Variants in KCNMA1 observed in about 807,000 individuals in gnomAD.
KCNMA1 encodes Calcium-activated potassium channel subunit alpha-1.
In KCNMA1, 29 loss-of-function variants were observed where a neutral mutation model predicts 140.0. That is an observed-to-expected ratio of 0.21 (90% CI 0.15 to 0.28). KCNMA1 has a LOEUF of 0.28. Among genes scored for constraint, KCNMA1 ranks in the 10% least tolerant of loss-of-function variants. KCNMA1 has a pLI of 1.00. For synonymous variants in KCNMA1, 612 were observed against 611.9 expected (o/e 1.00, Z 0.00); for missense variants, 880 against 1,602.2 (o/e 0.55, Z 7.70).
intron 2 of KCNMA1, among the ~76,000 whole-genome samples, chr10:77,401,016 C>T (rs934263628): frequency 6.6e-6 from 1 of 151,942 alleles, no homozygotes; most frequent in Non-Finnish European, 1.5e-5. Flanking sequence ...ATCACTAAAG[C>T]AGTAGCTTAC....
At chr10:77,327,647 G>A (rs936173665) in intron 2 of KCNMA1, among the ~76,000 whole-genome samples, 4 of 151,984 alleles carry the variant, frequency 2.6e-5, no homozygotes, top group Non-Finnish European at 4.4e-5. Context: ...GAGCCACCTC[G>A]CCTGACCAGT....
intron 12 of KCNMA1, among the ~76,000 whole-genome samples, chr10:77,081,994 CTTTTTTTCTTTTCTTTTTTT>C (rs2096580707): frequency 4.4e-5 from 3 of 68,526 alleles, no homozygotes; most frequent in South Asian, 4.7e-4. Flanking sequence ...CCAGTAATTT[CTTTTTTTCTTTTCTTTTTTT>C]TTTTTTTTTT....
At chr10:77,288,261 A>G (rs2071750200) in intron 2 of KCNMA1, among the ~76,000 whole-genome samples, 2 of 152,244 alleles carry the variant, frequency 1.3e-5, no homozygotes, top group African/African-American at 2.4e-5. Flanking sequence ...CCCCAAGAGC[A>G]AACAGTTTAT....
intron 5 of KCNMA1, among the ~76,000 whole-genome samples, chr10:77,133,941 G>A (rs1043764588): frequency 6.6e-6 from 1 of 152,038 alleles, no homozygotes; most frequent in African/African-American, 2.4e-5. Context: ...TAAGAGCATG[G>A]CAACAATGAC....
chr10:77,499,538 C>T (rs2043126929), intron 1 of KCNMA1, among the ~76,000 whole-genome samples: 1 of 150,936 alleles, frequency 6.6e-6, no homozygotes, highest in African/African-American at 2.4e-5. Flanking sequence ...ATCAGATTAT[C>T]TATGAAAAAA....
chr10:77,126,528 A>G (rs1461891229), intron 5 of KCNMA1, among the ~76,000 whole-genome samples: 1 of 152,236 alleles, frequency 6.6e-6, no homozygotes. Context: ...TTAAATGAAT[A>G]AAAGACATGA....
At chr10:77,613,839 A>G (rs777927663) in intron 1 of KCNMA1, among the ~76,000 whole-genome samples, 15 of 152,228 alleles carry the variant, frequency 9.9e-5, no homozygotes, top group Admixed American at 3.3e-4. Context: ...AGAGAAGAAA[A>G]AAATGAATTT....
intron 1 of KCNMA1, among the ~76,000 whole-genome samples, chr10:77,590,483 T>G (rs1246705963): frequency 6.6e-6 from 1 of 152,194 alleles, no homozygotes; most frequent in Non-Finnish European, 1.5e-5. Flanking sequence ...CTGGCCCAAG[T>G]GCTAAGCCCG....
rs200668674 is a variant in KCNMA1 at position 77,039,556 on chromosome 10, C to G, written c.1831G>C (p.Val611Leu). 3 of 1,610,264 alleles carry G rather than the reference C, an allele frequency of 1.9e-6. No homozygotes were observed. Among genetic ancestry groups the G allele is most frequent in the African/African-American group, 2.7e-5 (2 of 74,822 alleles). Residue 611 changes from valine (V) to leucine (L), a missense_variant, in exon 15 of 28, where the codon GTG becomes CTG. By Grantham distance (32) the Val-to-Leu change is conservative. Coordinates refer to ENST00000286628, the MANE Select transcript of KCNMA1 (RefSeq NM_001161352.2). ...MYTEYLSSAF[V>L]GLSFPTVCEL... is the part of the protein sequence containing the mutation. ...CAAACAGTAGGGAAGGACAGACCCA[C>G]GAAGGCACTGGAGAGATATTCTGTG...
At chr10:77,351,248 G>A (rs1603324766) in intron 2 of KCNMA1, among the ~76,000 whole-genome samples, 1 of 152,144 alleles carries the variant, frequency 6.6e-6, no homozygotes, top group East Asian at 1.9e-4. Flanking sequence ...TAAAGGTCAA[G>A]GGACAATGAA....
intron 2 of KCNMA1, among the ~76,000 whole-genome samples, chr10:77,293,951 G>T (rs2154316799): frequency 6.6e-6 from 1 of 152,340 alleles, no homozygotes; most frequent in East Asian, 1.9e-4. Context: ...ACAAACAATA[G>T]CTGTGTCACA....
chr10:77,378,323 G>A (rs943467480), intron 2 of KCNMA1, among the ~76,000 whole-genome samples: 1 of 152,210 alleles, frequency 6.6e-6, no homozygotes, highest in African/African-American at 2.4e-5. Flanking sequence ...TCGCAAAAGT[G>A]TCTGAGTTCT....
At chr10:77,318,169 T>C (rs1442366153) in intron 2 of KCNMA1, among the ~76,000 whole-genome samples, 1 of 152,236 alleles carries the variant, frequency 6.6e-6, no homozygotes, top group Non-Finnish European at 1.5e-5. Context: ...TCATTAACAA[T>C]ATTGGCATCA....
At chr10:77,432,440 G>T (rs1371371628) in intron 1 of KCNMA1, among the ~76,000 whole-genome samples, 2 of 152,182 alleles carry the variant, frequency 1.3e-5, no homozygotes, top group East Asian at 3.9e-4. Flanking sequence ...GCCATCCAGT[G>T]TCAGACTCAT....
intron 5 of KCNMA1, among the ~76,000 whole-genome samples, chr10:77,149,530 A>G (rs1209426646): frequency 6.6e-6 from 1 of 152,244 alleles, no homozygotes; most frequent in Non-Finnish European, 1.5e-5. Context: ...GAGGAAATGA[A>G]TGCAAGATGG....
At chr10:76,971,381 T>G (rs563229270) in intron 19 of KCNMA1, among the ~76,000 whole-genome samples, 76 of 152,300 alleles carry the variant, frequency 5.0e-4, no homozygotes, top group African/African-American at 1.8e-3. Context: ...TATATGGTAC[T>G]TCCCTGAAAA....
intron 1 of KCNMA1, among the ~76,000 whole-genome samples, chr10:77,425,999 G>A (rs2096979903): frequency 6.6e-6 from 1 of 152,118 alleles, no homozygotes; most frequent in African/African-American, 2.4e-5. Flanking sequence ...GGCCAAAGAG[G>A]GACTGTGTCG....
At chr10:77,469,260 G>C (rs979369590) in intron 1 of KCNMA1, among the ~76,000 whole-genome samples, 1 of 152,090 alleles carries the variant, frequency 6.6e-6, no homozygotes, top group Non-Finnish European at 1.5e-5. Context: ...CGCCATCCAA[G>C]TCCCCACATT....
chr10:77,090,254 C>G (rs12251114), intron 10 of KCNMA1, 146 bp downstream of exon 10: 2 of 717,560 alleles, frequency 2.8e-6, no homozygotes, highest in Non-Finnish European at 5.2e-6. Flanking sequence ...TCTTCTCCAA[C>G]GAGGCCAAAA....
Sources: allele counts gnomAD v4.1 joint callset (sites outside exome capture counted in the v4.1 genomes callset), GRCh38; gene constraint gnomAD v4.1.1; transcripts MANE v1.5; gene names NCBI Gene and HGNC (gene_info 2026-07-23, HGNC 2026-07-21).